PGM1: variants seen among roughly 807,000 people sequenced by gnomAD.
PGM1 encodes phosphoglucomutase-1.
In PGM1, 52 loss-of-function variants were observed where a neutral mutation model predicts 55.6. The observed-to-expected ratio is 0.94, with a 90% CI of 0.75 to 1.18. PGM1 has a LOEUF of 1.18. PGM1 is among the 50% of genes most tolerant of loss of function. The pLI is 0.00. For synonymous variants in PGM1, 287 were observed against 271.7 expected (o/e 1.06, Z -0.55); for missense variants, 724 against 729.3 (o/e 0.99, Z 0.08).
intron 1 of PGM1, among the ~76,000 whole-genome samples, chr1:63,611,993 TG>T (rs1648579780): frequency 1.3e-5 from 2 of 152,164 alleles, no homozygotes; most frequent in African/African-American, 4.8e-5. Context: ...GGCTCACGCC[TG>T]GCCTGTAATC....
chr1:63,603,570 C>T (rs564230801), intron 1 of PGM1, among the ~76,000 whole-genome samples: 4 of 152,234 alleles, frequency 2.6e-5, no homozygotes, highest in Admixed American at 2.0e-4. Flanking sequence ...ATCGTAAGAC[C>T]AGATGGCTTC....
chr1:63,593,784 C>G (rs1452187649), intron 1 of PGM1, 50 bp downstream of exon 1: 1 of 1,510,236 alleles, frequency 6.6e-7, no homozygotes, highest in Non-Finnish European at 8.8e-7. Flanking sequence ...GCGTGTGCGA[C>G]GTGCGGCCCG....
At chr1:63,651,596 G>A in intron 8 of PGM1, 73 bp from the exon 9 acceptor site, 1 of 1,410,844 alleles carries the variant, frequency 7.1e-7, no homozygotes, top group Non-Finnish European at 9.9e-7. Context: ...AAATGATGAA[G>A]AAAGTGCTGA....
At chr1:63,603,492 C>T (rs1648299237) in intron 1 of PGM1, among the ~76,000 whole-genome samples, 1 of 152,198 alleles carries the variant, frequency 6.6e-6, no homozygotes, top group Admixed American at 6.5e-5. Flanking sequence ...AAATCCACCT[C>T]GAGGCACATT....
intron 1 of PGM1, among the ~76,000 whole-genome samples, chr1:63,608,497 C>T (rs1480157545): frequency 1.3e-5 from 2 of 152,170 alleles, no homozygotes; most frequent in Non-Finnish European, 2.9e-5. Flanking sequence ...GAAATTGTCC[C>T]CTGACTTCAG....
intron 10 of PGM1, among the ~76,000 whole-genome samples, chr1:63,659,033 C>G (rs934083804): frequency 6.6e-6 from 1 of 152,172 alleles, no homozygotes; most frequent in Non-Finnish European, 1.5e-5. Context: ...ACAGAAAAGA[C>G]CCACCCCCAT....
intron 1 of PGM1, chr1:63,594,126 G>A: frequency 1.0e-6 from 1 of 1,003,602 alleles, no homozygotes; most frequent in Non-Finnish European, 1.2e-6. Flanking sequence ...GCAGAGTGCT[G>A]TCGCCTTAAG....
At chr1:63,643,239 G>A (rs1349352053) in intron 7 of PGM1, among the ~76,000 whole-genome samples, 5 of 152,210 alleles carry the variant, frequency 3.3e-5, no homozygotes, top group African/African-American at 9.6e-5. Flanking sequence ...CTCATTTAAA[G>A]TGTTACCTGC....
chr1:63,642,859 A>C (rs758523369), intron 7 of PGM1, among the ~76,000 whole-genome samples: 9 of 152,168 alleles, frequency 5.9e-5, no homozygotes, highest in Non-Finnish European at 1.0e-4. Context: ...ATGTTTGCAC[A>C]TTTTGCATTG....
chr1:63,633,892 G>A (rs1557433507), intron 4 of PGM1, among the ~76,000 whole-genome samples: 1 of 45,994 alleles, frequency 2.2e-5, no homozygotes, highest in Non-Finnish European at 4.0e-5. Context: ...GTGTGTGTGT[G>A]TGTGTGTGTG....
At chr1:63,633,675 C>CTT (rs200102674) in intron 4 of PGM1, among the ~76,000 whole-genome samples, 9 of 147,136 alleles carry the variant, frequency 6.1e-5, no homozygotes, top group African/African-American at 1.5e-4. Flanking sequence ...TTTTTATTTT[C>CTT]TTTTTTTTTT....
intron 7 of PGM1, among the ~76,000 whole-genome samples, chr1:63,639,231 G>C (rs1649450012): frequency 6.6e-6 from 1 of 152,012 alleles, no homozygotes. Context: ...CTCTTTTATA[G>C]GCCCAAGTTT....
chr1:63,638,569 C>T (rs1649422803), intron 6 of PGM1, 116 bp from the exon 7 acceptor site: 6 of 777,844 alleles, frequency 7.7e-6, no homozygotes, highest in Admixed American at 7.2e-5. Context: ...TTATGTATGA[C>T]TCTGAGCAAT....
At chr1:63,638,499 C>T (rs1167199296) in intron 6 of PGM1, among the ~76,000 whole-genome samples, 186 bp from the exon 7 acceptor site, 2 of 135,714 alleles carry the variant, frequency 1.5e-5, no homozygotes, top group African/African-American at 5.0e-5. Flanking sequence ...TTCTCTGAAT[C>T]CACATATAAT....
chr1:63,616,717 T>G (rs962810927), intron 1 of PGM1, among the ~76,000 whole-genome samples: 1 of 152,208 alleles, frequency 6.6e-6, no homozygotes, highest in African/African-American at 2.4e-5. Context: ...CTGTTATGTT[T>G]GTTTTTATTT....
At position 63,629,579 on chromosome 1, in the gene PGM1, C is replaced by G. The variant is rs777361903; in HGVS notation, c.401C>G (p.Ser134Cys). 47 of 1,613,528 alleles carry G rather than the reference C, an allele frequency of 2.9e-5. No homozygotes were observed. The highest frequency in any genetic ancestry group is 3.6e-5 in the Non-Finnish European group (43 of 1,179,704). The part of the protein sequence containing the change: ...NGDFGIKFNI[S>C]NGGPAPEAIT... ...GATTTTGGAATCAAATTCAATATTT[C>G]TAATGGAGGTGAGTTTGCTGTCATT... is the stretch of plus-strand genomic sequence containing the variant. Residue 134 changes from serine to cysteine, a missense_variant, in exon 2 of 11, where the codon TCT (serine) becomes TGT (cysteine). Around this residue, in one of 3 missense-constraint regions of PGM1, gnomAD observed 379 missense variants for 357.5 expected, o/e 1.06. Transcript: ENST00000371084.
chr1:63,657,297 G>A (rs1649993916), intron 10 of PGM1, among the ~76,000 whole-genome samples: 1 of 152,156 alleles, frequency 6.6e-6, no homozygotes, highest in Non-Finnish European at 1.5e-5. Context: ...ATAACTGTGT[G>A]TCCCTGGGTA....
intron 1 of PGM1, among the ~76,000 whole-genome samples, chr1:63,594,970 A>G (rs1570465680): frequency 2.0e-5 from 3 of 148,862 alleles, no homozygotes; most frequent in Admixed American, 6.7e-5. Flanking sequence ...CAAAAAAAAA[A>G]AAAAAGAAAA....
In PGM1 at chr1:63,623,669, G is replaced by T. The variant is rs535345543; in HGVS notation, c.247-5756G>T. 4.3e-6 allele frequency: 7 copies of T among 1,611,452 alleles called. No individual in the cohort carries two copies. The African/African-American group carries it at 8.0e-5, about 18-fold the overall frequency. ...TTCTTTTCCATAGACCTAAAAGATC[G>T]CCAGGGATCATCACTGGTGGTTGGT... On this transcript the variant is annotated intron_variant, in intron 1 of 10. Coordinates refer to ENST00000371084, the MANE Select transcript of PGM1 (RefSeq NM_002633.3).
Sources: allele counts gnomAD v4.1 joint callset (sites outside exome capture counted in the v4.1 genomes callset), GRCh38; gene constraint gnomAD v4.1.1; regional missense constraint gnomAD v4.1.1; transcripts MANE v1.5; gene names NCBI Gene and HGNC (gene_info 2026-07-23, HGNC 2026-07-21).